SIN3A: variants seen among roughly 807,000 people sequenced by gnomAD.
SIN3A encodes SIN3 transcription regulator family member A, also known as paired amphipathic helix protein Sin3a.
Under a neutral mutation model 146.1 loss-of-function variants are expected in SIN3A, and 14 were observed. The ratio of observed to expected loss-of-function variants is 0.10; its 90% CI spans 0.06 to 0.15. The LOEUF (loss-of-function observed/expected upper bound fraction) is 0.15, where lower values mean the gene tolerates loss of function less well. Among genes scored for constraint, SIN3A ranks in the 10% least tolerant of loss-of-function variants. The pLI is 1.00. For synonymous variants in SIN3A, 572 were observed against 572.0 expected (o/e 1.00, Z 0.00); for missense variants, 1,028 against 1,576.0 (o/e 0.65, Z 5.89).
chr15:75,426,227 A>G (rs1012444032), intron 2 of SIN3A, among the ~76,000 whole-genome samples: 1 of 152,208 alleles, frequency 6.6e-6, no homozygotes, highest in African/African-American at 2.4e-5. Flanking sequence ...TCCAAGTCCT[A>G]AAAGATGCCA....
rs2073303151 is a variant in SIN3A at position 75,396,360 on chromosome 15, A to T, written c.1991T>A (p.Ile664Asn). 1 of 1,614,002 alleles carries T rather than the reference A, an allele frequency of 6.2e-7. No homozygotes were observed. The highest frequency in any genetic ancestry group is 8.5e-7 in the Non-Finnish European group (1 of 1,180,022). The stretch of plus-strand genomic sequence containing the variant: ...TATCCTCTGGAGTGCTTTTCTATGG[A>T]TGACTTCTGATGTGCCCCCAAGGGT... ...DNTLGGTSEV[I>N]HRKALQRIYA... The change falls in exon 13 of 21, where the codon ATC (isoleucine) becomes AAC (asparagine). Residue 664 changes from isoleucine (I) to asparagine (N), a missense_variant. Physicochemically the swap from Ile to Asn is moderately radical, Grantham distance 149. Around this residue, in one of 9 missense-constraint regions of SIN3A, gnomAD observed 157 missense variants for 284.8 expected, o/e 0.55. Transcript: ENST00000394947.
chr15:75,400,219 T>C (rs2073384859), intron 11 of SIN3A, 63 bp from the exon 12 acceptor site: 4 of 883,294 alleles, frequency 4.5e-6, no homozygotes, highest in Non-Finnish European at 7.4e-6. Context: ...GATTAAGCAT[T>C]CTGAATGAAA....
At chr15:75,404,260 C>A (rs115161202) in intron 9 of SIN3A, among the ~76,000 whole-genome samples, 1 of 152,232 alleles carries the variant, frequency 6.6e-6, no homozygotes, top group African/African-American at 2.4e-5. Context: ...ATACTGTATA[C>A]CCTATTTACC....
chr15:75,395,016 T>A (rs146735742), intron 13 of SIN3A, among the ~76,000 whole-genome samples, 153 bp from the exon 14 acceptor site: 7 of 152,344 alleles, frequency 4.6e-5, no homozygotes, highest in Non-Finnish European at 8.8e-5. Flanking sequence ...CAAACCAGTC[T>A]TGAACTCTGT....
At chr15:75,373,726 C>T (rs563160481) in intron 20 of SIN3A, among the ~76,000 whole-genome samples, 108 of 137,916 alleles carry the variant, frequency 7.8e-4, no homozygotes, top group African/African-American at 2.6e-3. Flanking sequence ...CCCTGGGCAA[C>T]GTAAGGAGAC....
chr15:75,443,422 A>G (rs931669726), intron 1 of SIN3A, among the ~76,000 whole-genome samples: 2 of 152,204 alleles, frequency 1.3e-5, no homozygotes, highest in Non-Finnish European at 2.9e-5. Context: ...TACTTTCTTG[A>G]AAGATGCTGT....
At chr15:75,401,783 A>T (rs1387869047) in intron 10 of SIN3A, 69 bp downstream of exon 10, 2 of 945,464 alleles carry the variant, frequency 2.1e-6, no homozygotes, top group Non-Finnish European at 3.4e-6. Flanking sequence ...CCTATCATAT[A>T]CTCTCACAAA....
intron 16 of SIN3A, among the ~76,000 whole-genome samples, chr15:75,385,319 T>A (rs1240787746): frequency 3.3e-5 from 5 of 152,302 alleles, no homozygotes; most frequent in Non-Finnish European, 5.9e-5. Context: ...AAAGTCAAGG[T>A]TCCTGACTCC....
chr15:75,392,444 G>A lies in SIN3A; in HGVS notation c.2649C>T (p.Tyr883=), dbSNP rs763642373. 1.9e-6 allele frequency: 3 copies of A among 1,614,134 alleles called. No individual in the cohort carries two copies. The highest frequency in any genetic ancestry group is 2.5e-6 in the Non-Finnish European group (3 of 1,179,978). The part of the protein sequence containing the change: ...AQKLRGMDEV[Y]NLFYVNNNWY... ...AGTTGTTGTTGACATAGAAGAGGTT[G>A]TATACTTCATCCATTCCTCTTAATT... Residue 883 remains tyrosine (Y), a synonymous_variant, in exon 15 of 21, where the codon TAC becomes TAT. Transcript: ENST00000394947.
chr15:75,384,449 C>G lies in SIN3A; in HGVS notation c.3022-12G>C. ...ACGATATGCTGCAGCTGGAAGCAAACAAAGGCAAGCTTTTAGTGAACACAG... is the reference window on the plus strand; with the variant it reads ...ACGATATGCTGCAGCTGGAAGCAAAGAAAGGCAAGCTTTTAGTGAACACAG... On this transcript the variant is annotated splice_polypyrimidine_tract_variant and intron_variant, in intron 16 of 20. Coordinates refer to ENST00000394947, the MANE Select transcript of SIN3A (RefSeq NM_001145358.2). 1 of 1,589,260 alleles carries G rather than the reference C, an allele frequency of 6.3e-7. No individual in the cohort carries two copies.
At chr15:75,429,918 G>A (rs1490553078) in intron 2 of SIN3A, among the ~76,000 whole-genome samples, 1 of 152,056 alleles carries the variant, frequency 6.6e-6, no homozygotes, top group South Asian at 2.1e-4. Flanking sequence ...TAAAGTCAAG[G>A]GAATGATAAA....
intron 19 of SIN3A, among the ~76,000 whole-genome samples, chr15:75,378,914 T>A (rs2072914835): frequency 6.7e-6 from 1 of 150,110 alleles, no homozygotes. Context: ...ATATATTTTA[T>A]TTTTGAGGCA....
chr15:75,430,901 G>A (rs879684092), intron 1 of SIN3A, among the ~76,000 whole-genome samples: 3 of 151,516 alleles, frequency 2.0e-5, no homozygotes, highest in Non-Finnish European at 2.9e-5. Context: ...TCAGCCTCCC[G>A]AGTAGCTGGG....
At position 75,392,635 on chromosome 15, in the gene SIN3A, T is replaced by C. The variant is rs2073228434; in HGVS notation, c.2458A>G (p.Ile820Val). The change falls in exon 15 of 21, where the codon ATT becomes GTT. Residue 820 changes from isoleucine (I) to valine (V), a missense_variant. Physicochemically the swap from Ile to Val is conservative, Grantham distance 29. Transcript: ENST00000394947. The part of the protein sequence containing the change: ...YKIKQIMHHF[I>V]PDLLFAQRGD... ...CTTTGGGCAAAGAGCAAATCTGGAA[T>C]AAAATGATGCATGATTTGTTTTATC... 1 of 1,614,222 alleles carries C rather than the reference T, an allele frequency of 6.2e-7. No homozygotes were observed.
At chr15:75,398,672 T>C (rs1287455405) in intron 12 of SIN3A, among the ~76,000 whole-genome samples, 1 of 151,768 alleles carries the variant, frequency 6.6e-6, no homozygotes, top group Non-Finnish European at 1.5e-5. Flanking sequence ...AGCAATACTC[T>C]GTCTTTAAAA....
At chr15:75,400,016 T>C (rs763452231) in intron 12 of SIN3A, 24 bp downstream of exon 12, 30 of 1,368,828 alleles carry the variant, frequency 2.2e-5, no homozygotes, top group Non-Finnish European at 2.9e-5. Context: ...TTCCCCCAAC[T>C]TCAAATGCCA....
chr15:75,438,879 T>G (rs957846634), intron 1 of SIN3A, among the ~76,000 whole-genome samples: 3 of 152,242 alleles, frequency 2.0e-5, no homozygotes, highest in African/African-American at 7.2e-5. Context: ...CAGTGCAATT[T>G]TGAGTAGTCT....
intron 1 of SIN3A, among the ~76,000 whole-genome samples, chr15:75,438,257 CA>C (rs1240871724): frequency 6.6e-6 from 1 of 152,040 alleles, no homozygotes; most frequent in Admixed American, 6.6e-5. Context: ...CCCAGCTACT[CA>C]GGAAGCTGAG....
Position 75,394,795 on chromosome 15 carries a change from T to C in SIN3A, c.2162A>G (p.Asn721Ser). 9 of 1,614,152 alleles carry C rather than the reference T, an allele frequency of 5.6e-6. No individual in the cohort carries two copies. Among genetic ancestry groups the C allele is most frequent in the Non-Finnish European group, 7.6e-6 (9 of 1,180,010 alleles). ...CAGAGACTTCAAGTAGTATTTCTCATTTTGTTCTCGCCATACTTTGTTAAA... is the reference window on the plus strand; with the variant it reads ...CAGAGACTTCAAGTAGTATTTCTCACTTTGTTCTCGCCATACTTTGTTAAA... ...RGFNKVWREQ[N>S]EKYYLKSLDH... is the part of the protein sequence containing the mutation. The change falls in exon 14 of 21, where the codon AAT (asparagine) becomes AGT (serine). Residue 721 changes from asparagine (N) to serine (S), a missense_variant. By Grantham distance (46) the Asn-to-Ser change is conservative. This residue lies in a region of SIN3A where 488 missense variants were observed against 690.2 expected (regional missense o/e 0.71). Transcript: ENST00000394947.
Sources: gnomAD v4.1 joint callset for allele counts (sites outside exome capture counted in the v4.1 genomes callset) on GRCh38, gnomAD v4.1.1 for gene constraint, gnomAD v4.1.1 regional missense constraint, MANE v1.5 for transcripts, NCBI Gene and HGNC (gene_info 2026-07-23, HGNC 2026-07-21) for gene names.